The following FNIP2 variants were observed in gnomAD, a reference collection of about 807,000 sequenced individuals.
The protein encoded by FNIP2 is folliculin interacting protein 2.
A neutral mutation model predicts 108.7 loss-of-function variants in FNIP2; 32 were observed. That is an observed-to-expected ratio of 0.29 (90% CI 0.22 to 0.40). FNIP2 has a LOEUF of 0.40. FNIP2 is among the 10% of genes least tolerant of loss of function. The probability of loss-of-function intolerance (pLI) is 1.00; values close to 1 mark genes in which losing one functional copy is unlikely to be tolerated. For missense variants in FNIP2, 1,202 were observed against 1,381.6 expected, an observed-to-expected ratio of 0.87 and a Z score of 2.06; for synonymous variants, 480 against 496.7, an observed-to-expected ratio of 0.97 and a Z score of 0.45.
intron 7 of FNIP2, among the ~76,000 whole-genome samples, chr4:158,848,591 A>T (rs757474908): frequency 1.3e-5 from 2 of 152,138 alleles, no homozygotes; most frequent in Non-Finnish European, 1.5e-5. Context: ...AAGCATAAAG[A>T]CCATCCAGGA....
chr4:158,805,300 C>T (rs1776906483), intron 1 of FNIP2, among the ~76,000 whole-genome samples: 1 of 152,124 alleles, frequency 6.6e-6, no homozygotes, highest in African/African-American at 2.4e-5. Flanking sequence ...AAGATTTGAC[C>T]TGTATTCCAG....
intron 1 of FNIP2, among the ~76,000 whole-genome samples, chr4:158,805,847 A>G (rs1776929297): frequency 6.6e-6 from 1 of 152,198 alleles, no homozygotes; most frequent in Non-Finnish European, 1.5e-5. Flanking sequence ...GCACAGATGG[A>G]GTGAGTCAGT....
intron 1 of FNIP2, among the ~76,000 whole-genome samples, chr4:158,799,823 G>A (rs1271026814): frequency 6.6e-6 from 1 of 152,208 alleles, no homozygotes; most frequent in East Asian, 1.9e-4. Context: ...TCATGGGGAT[G>A]GGTTGTAAAA....
At chr4:158,841,834 C>G (rs1295459196) in intron 7 of FNIP2, among the ~76,000 whole-genome samples, 1 of 152,240 alleles carries the variant, frequency 6.6e-6, no homozygotes, top group Non-Finnish European at 1.5e-5. Context: ...AACGGGATAT[C>G]CCACAACTTG....
In FNIP2 at chr4:158,860,470, T is replaced by C. The variant is rs74622819; in HGVS notation, c.1148+804T>C. Among the ~76,000 whole-genome samples, 691 of 152,322 alleles carry C rather than the reference T, an allele frequency of 4.5e-3. 4 individuals are homozygous for C. The highest frequency in any genetic ancestry group is 0.015 in the African/African-American group (640 of 41,568). On this transcript the variant is annotated intron_variant, in intron 10 of 16. Transcript: ENST00000264433. ...AAGTACTCAAGTAACATGTTACTTATTATCTGGTGATTGCTAAGACTTAAG... is the reference window on the plus strand; with the variant it reads ...AAGTACTCAAGTAACATGTTACTTACTATCTGGTGATTGCTAAGACTTAAG...
At chr4:158,822,674 A>C (rs1490711520) in intron 1 of FNIP2, among the ~76,000 whole-genome samples, 1 of 151,996 alleles carries the variant, frequency 6.6e-6, no homozygotes, top group Non-Finnish European at 1.5e-5. Flanking sequence ...ATTTTTAAAA[A>C]ATTTTAAACA....
At chr4:158,769,937 A>G (rs1252701116) in intron 1 of FNIP2, among the ~76,000 whole-genome samples, 2 of 152,232 alleles carry the variant, frequency 1.3e-5, no homozygotes, top group Admixed American at 1.3e-4. Flanking sequence ...GCTGATATGT[A>G]TATTTAATAG....
chr4:158,882,976 C>T (rs574455010), intron 14 of FNIP2, among the ~76,000 whole-genome samples: 251 of 151,338 alleles, frequency 1.7e-3, no homozygotes, highest in African/African-American at 5.7e-3. Context: ...CTGTGAGAAA[C>T]ACCCAAGAAT....
chr4:158,882,198 C>T (rs1221077707), intron 14 of FNIP2, among the ~76,000 whole-genome samples: 11 of 151,668 alleles, frequency 7.3e-5, no homozygotes, highest in African/African-American at 2.2e-4. Context: ...GCAGCCGCCC[C>T]GTCTGAGAAG....
chr4:158,834,387 G>A (rs749889832), intron 6 of FNIP2: 3 of 141,804 alleles, frequency 2.1e-5, no homozygotes, highest in Non-Finnish European at 3.0e-5. Flanking sequence ...AGTCATCTTG[G>A]TGTCTCTGAG....
chr4:158,816,602 C>G lies in FNIP2; in HGVS notation c.108-9314C>G, dbSNP rs558002589. Among the ~76,000 whole-genome samples the G allele has an allele frequency of 9.0e-4, 137 of 151,926 alleles. 1 individual carries two copies. Among genetic ancestry groups the G allele is most frequent in the Middle Eastern group, 3.4e-3 (1 of 294 alleles). On this transcript the variant is annotated intron_variant, in intron 1 of 16. Transcript: ENST00000264433. ...GTTCGAAACTAGCCTGGCCAACATGCTGAAACCCCCTCTCTACTAAAAATA... is the reference window on the plus strand; with the variant it reads ...GTTCGAAACTAGCCTGGCCAACATGGTGAAACCCCCTCTCTACTAAAAATA...
chr4:158,845,139 A>C (rs1005110199), intron 7 of FNIP2, among the ~76,000 whole-genome samples: 2 of 152,230 alleles, frequency 1.3e-5, no homozygotes, highest in African/African-American at 4.8e-5. Context: ...CTAATTATAA[A>C]AGTATTGTAA....
chr4:158,774,948 T>C (rs1254205515), intron 1 of FNIP2, among the ~76,000 whole-genome samples: 1 of 152,222 alleles, frequency 6.6e-6, no homozygotes, highest in Non-Finnish European at 1.5e-5. Flanking sequence ...TACTAAGAGA[T>C]GGACGGAGGC....
rs939031588 is a variant in FNIP2, at chr4:158,905,681, C to T, written c.*1137C>T. On this transcript the variant is annotated 3_prime_UTR_variant, in exon 17 of 17. Transcript: ENST00000264433. ...TGTATAAAACCGACCAAAATGATTTCCTAAAGTTCATGCAAAAAAAAAAAA... is the reference window on the plus strand; with the variant it reads ...TGTATAAAACCGACCAAAATGATTTTCTAAAGTTCATGCAAAAAAAAAAAA... The T allele has an allele frequency of 3.2e-4, 41 of 127,486 alleles. No homozygotes were observed. The highest frequency in any genetic ancestry group is 9.3e-4 in the African/African-American group (31 of 33,252). The allele number at this position is 127,486 out of a possible 1,614,324, so 7.9% of individuals were successfully genotyped here.
At chr4:158,834,320 CTCTCT>C (rs1778664870) in intron 6 of FNIP2, 1 of 150,176 alleles carries the variant, frequency 6.7e-6, no homozygotes, top group African/African-American at 2.5e-5. Context: ...CTCTCTCTCT[CTCTCT>C]CTCTCCCTCT....
chr4:158,788,445 A>G (rs912474044), intron 1 of FNIP2, among the ~76,000 whole-genome samples: 4 of 152,266 alleles, frequency 2.6e-5, no homozygotes, highest in Non-Finnish European at 5.9e-5. Flanking sequence ...AGCTCATGCT[A>G]TAATCTTATG....
chr4:158,841,421 G>C (rs911357222), intron 7 of FNIP2, among the ~76,000 whole-genome samples: 1 of 152,158 alleles, frequency 6.6e-6, no homozygotes, highest in Non-Finnish European at 1.5e-5. Context: ...AAACAAGTCA[G>C]GTTCTTTATT....
At chr4:158,887,736 CAA>C (rs10645281) in intron 14 of FNIP2, among the ~76,000 whole-genome samples, 11 of 78,774 alleles carry the variant, frequency 1.4e-4, no homozygotes, top group South Asian at 1.0e-3. Context: ...GACTCTGTCT[CAA>C]AAAAAAAAAA....
At chr4:158,888,975 G>T (rs1782154872) in intron 14 of FNIP2, among the ~76,000 whole-genome samples, 1 of 151,820 alleles carries the variant, frequency 6.6e-6, no homozygotes, top group Non-Finnish European at 1.5e-5. Context: ...GGAGCACTTG[G>T]GGCCAGGAGT....
Sources: allele counts gnomAD v4.1 joint callset (sites outside exome capture counted in the v4.1 genomes callset), GRCh38; gene constraint gnomAD v4.1.1; transcripts MANE v1.5; gene names NCBI Gene and HGNC (gene_info 2026-07-23, HGNC 2026-07-21).